B4GALT1: variants seen among roughly 807,000 people sequenced by gnomAD.
B4GALT1 encodes the protein beta-1,4-galactosyltransferase 1.
Under a neutral mutation model 34.9 loss-of-function variants are expected in B4GALT1, and 16 were observed. That is an observed-to-expected ratio of 0.46 (90% CI 0.31 to 0.70). The LOEUF (loss-of-function observed/expected upper bound fraction) is 0.70, where lower values mean the gene tolerates loss of function less well. Among genes scored for constraint, B4GALT1 ranks in the 30% least tolerant of loss-of-function variants. B4GALT1 has a pLI of 0.05. For missense variants in B4GALT1, 445 were observed against 530.5 expected, an observed-to-expected ratio of 0.84 and a Z score of 1.58; for synonymous variants, 221 against 218.1, an observed-to-expected ratio of 1.01 and a Z score of -0.12.
chr9:33,158,929 G>C (rs1345957165), intron 1 of B4GALT1, among the ~76,000 whole-genome samples: 1 of 152,040 alleles, frequency 6.6e-6, no homozygotes, highest in Non-Finnish European at 1.5e-5. Context: ...TCTCTTCCTG[G>C]GGGGAGGGGG....
chr9:33,129,167 T>C (rs1482900400), intron 2 of B4GALT1, among the ~76,000 whole-genome samples: 1 of 151,960 alleles, frequency 6.6e-6, no homozygotes, highest in Non-Finnish European at 1.5e-5. Flanking sequence ...AGAAGACCAT[T>C]TGCCTTACTC....
downstream of B4GALT1, among the ~76,000 whole-genome samples, chr9:33,107,433 C>G (rs576121433): frequency 5.9e-5 from 9 of 152,266 alleles, no homozygotes; most frequent in East Asian, 1.2e-3. Context: ...CCTCTCCCCC[C>G]ACCCCCACAC....
intron 3 of B4GALT1, among the ~76,000 whole-genome samples, chr9:33,120,020 C>T (rs538415019): frequency 9.9e-5 from 15 of 151,870 alleles, no homozygotes; most frequent in Admixed American, 2.0e-4. Context: ...CCCATCTCTA[C>T]AAAATATACA....
chr9:33,175,488 G>A, the B4GALT1 span, among the ~76,000 whole-genome samples: 27 of 152,004 alleles, frequency 1.8e-4, no homozygotes, highest in Non-Finnish European at 2.8e-4. Flanking sequence ...CATCATATCG[G>A]AAATTTACTC....
the B4GALT1 span, chr9:33,179,783 G>C: frequency 1.2e-4 from 19 of 152,212 alleles, no homozygotes; most frequent in Admixed American, 1.2e-3. Flanking sequence ...GGAAGGCTAG[G>C]CTAAACTGTG....
At position 33,114,217 on chromosome 9, in the gene B4GALT1, CAG is replaced by C. The variant is rs555628515; in HGVS notation, c.960-341_960-340del. Among the ~76,000 whole-genome samples the C allele has an allele frequency of 1.2e-4, 19 of 152,344 alleles. No homozygotes were observed. In the South Asian group the frequency reaches 3.9e-3, roughly 32 times the overall value. ...GAAGAGGAAGATGAGGTTGGAGACA[CAG>C]AGGAAGAAGCATAGAGTTTGTAACC... On this transcript the variant is annotated intron_variant, in intron 4 of 5. Coordinates refer to ENST00000379731, the MANE Select transcript of B4GALT1 (RefSeq NM_001497.4).
chr9:33,159,831 A>G (rs902810473), intron 1 of B4GALT1, among the ~76,000 whole-genome samples: 1 of 152,236 alleles, frequency 6.6e-6, no homozygotes, highest in Non-Finnish European at 1.5e-5. Context: ...ACCCACAACC[A>G]CAGCCCCAGA....
At chr9:33,184,253 T>TACACAC in the B4GALT1 span, among the ~76,000 whole-genome samples, 7,226 of 147,142 alleles carry the variant, frequency 0.049, 236 homozygotes, top group South Asian at 0.085. Context: ...GTCACTCTTG[T>TACACAC]ACACACACAC....
rs1839877678 is a variant in B4GALT1, at chr9:33,112,487, C to G, written c.*967G>C. 2.0e-5 allele frequency: 3 copies of G among 152,602 alleles called. No individual in the cohort carries two copies. Among genetic ancestry groups the G allele is most frequent in the African/African-American group, 7.2e-5 (3 of 41,444 alleles). The allele number at this position is 152,602 out of a possible 1,614,324, so 9.5% of individuals were successfully genotyped here. ...TTTGCTCTTGAGAAAACCTGGCCTGCCAGCTAAATCATAGGCCTATTTGTG... is the reference window on the plus strand; with the variant it reads ...TTTGCTCTTGAGAAAACCTGGCCTGGCAGCTAAATCATAGGCCTATTTGTG... On this transcript the variant is annotated 3_prime_UTR_variant, in exon 6 of 6. Coordinates refer to ENST00000379731, the MANE Select transcript of B4GALT1 (RefSeq NM_001497.4).
chr9:33,164,970 ATTTTT>A (rs534464885), intron 1 of B4GALT1, among the ~76,000 whole-genome samples: 10 of 107,570 alleles, frequency 9.3e-5, no homozygotes, highest in Admixed American at 7.1e-4. Context: ...GAGTGCCCGT[ATTTTT>A]TTTTTTTTTT....
intron 1 of B4GALT1, among the ~76,000 whole-genome samples, chr9:33,159,113 T>C (rs1408087328): frequency 6.6e-6 from 1 of 152,150 alleles, no homozygotes; most frequent in African/African-American, 2.4e-5. Flanking sequence ...CTCCACATCC[T>C]TTCCTGTTTC....
At chr9:33,182,140 T>C in the B4GALT1 span, among the ~76,000 whole-genome samples, 4 of 152,288 alleles carry the variant, frequency 2.6e-5, no homozygotes, top group African/African-American at 9.6e-5. Context: ...GAATTCTTTC[T>C]TGCCTCTTCT....
intron 1 of B4GALT1, among the ~76,000 whole-genome samples, chr9:33,139,930 T>C (rs1027767373): frequency 1.3e-5 from 2 of 152,358 alleles, no homozygotes; most frequent in South Asian, 4.1e-4. Context: ...CGTAAGCAGA[T>C]GAGCAGATGT....
In B4GALT1 at chr9:33,113,314, G is replaced by A; in HGVS notation, c.*140C>T. 7.6e-7 allele frequency: 1 copy of A among 1,307,244 alleles called. No individual in the cohort carries two copies. The highest frequency in any genetic ancestry group is 1.1e-6 in the Non-Finnish European group (1 of 907,956). The allele number at this position is 1,307,244 out of a possible 1,614,324, so 81.0% of individuals were successfully genotyped here. On this transcript the variant is annotated 3_prime_UTR_variant, in exon 6 of 6. Coordinates refer to ENST00000379731, the MANE Select transcript of B4GALT1 (RefSeq NM_001497.4). ...AATATCCCACTCGTCCTGGTCATCT[G>A]GAAAGCCATCTGAATGATGAGCGAA...
At chr9:33,183,016 G>A in the B4GALT1 span, among the ~76,000 whole-genome samples, 72 of 152,212 alleles carry the variant, frequency 4.7e-4, no homozygotes, top group East Asian at 0.012. Flanking sequence ...AGTAGTACCC[G>A]CTTATCCATC....
At chr9:33,114,665 T>C (rs1024228881) in intron 4 of B4GALT1, among the ~76,000 whole-genome samples, 3 of 152,152 alleles carry the variant, frequency 2.0e-5, no homozygotes, top group African/African-American at 7.2e-5. Context: ...GAGGATTCTG[T>C]GTTGGTCCAA....
chr9:33,111,276 A>AAAAAAAAAAAAAAAAAAAAC lies in B4GALT1; in HGVS notation c.*2177_*2178insGTTTTTTTTTTTTTTTTTTT, dbSNP rs1564033760. The AAAAAAAAAAAAAAAAAAAAC allele has an allele frequency of 2.8e-5, 3 of 105,920 alleles. No individual in the cohort carries two copies. The highest frequency in any genetic ancestry group is 1.0e-4 in the Admixed American group (1 of 9,568). The allele number at this position is 105,920 out of a possible 1,614,324, so 6.6% of individuals were successfully genotyped here. On this transcript the variant is annotated 3_prime_UTR_variant, in exon 6 of 6. Coordinates refer to ENST00000379731, the MANE Select transcript of B4GALT1 (RefSeq NM_001497.4). ...AAAAAAAAAAAAAAAAAAAAAAAAA[A>AAAAAAAAAAAAAAAAAAAAC]AACAACAAGAAAAGGTAGAGTTTGG... is the stretch of plus-strand genomic sequence containing the variant.
chr9:33,176,938 A>G, the B4GALT1 span, among the ~76,000 whole-genome samples: 1 of 152,224 alleles, frequency 6.6e-6, no homozygotes, highest in African/African-American at 2.4e-5. Context: ...ACGGCAACAA[A>G]AAAGTCTTAC....
At chr9:33,152,873 C>CA (rs200736577) in intron 1 of B4GALT1, among the ~76,000 whole-genome samples, 12 of 149,722 alleles carry the variant, frequency 8.0e-5, no homozygotes, top group South Asian at 2.1e-4. Flanking sequence ...GACTCCACTT[C>CA]AAAAAAAAAG....
Sources: gnomAD v4.1 joint callset for allele counts (sites outside exome capture counted in the v4.1 genomes callset) on GRCh38, gnomAD v4.1.1 for gene constraint, MANE v1.5 for transcripts, NCBI Gene and HGNC (gene_info 2026-07-23, HGNC 2026-07-21) for gene names.